PRELID2: variants seen among roughly 807,000 people sequenced by gnomAD.
The protein encoded by PRELID2 is PRELI domain-containing protein 2.
PRELID2 carries 25 observed loss-of-function variants against 28.4 expected under a neutral mutation model. The observed-to-expected ratio is 0.88, with a 90% CI of 0.64 to 1.23. The LOEUF (loss-of-function observed/expected upper bound fraction) is 1.23. Ranked by LOEUF, PRELID2 falls within the 50% of genes most tolerant of loss-of-function variation. The pLI is 0.00. For missense variants in PRELID2, 201 were observed against 214.4 expected (o/e 0.94, Z 0.39); for synonymous variants, 76 against 71.6 (o/e 1.06, Z -0.31).
At chr5:145,263,349 A>C in the PRELID2 span, among the ~76,000 whole-genome samples, 2 of 152,130 alleles carry the variant, frequency 1.3e-5, no homozygotes, top group Non-Finnish European at 2.9e-5. Flanking sequence ...ACAGATACTT[A>C]CAGAACATTC....
intron 1 of PRELID2, among the ~76,000 whole-genome samples, chr5:145,676,692 C>T (rs1409010233): frequency 1.3e-5 from 2 of 152,158 alleles, no homozygotes; most frequent in African/African-American, 2.4e-5. Flanking sequence ...AGGGATATGG[C>T]TCCTTGATAT....
chr5:145,709,251 C>T (rs554570124), intron 1 of PRELID2, among the ~76,000 whole-genome samples: 1 of 152,206 alleles, frequency 6.6e-6, no homozygotes. Flanking sequence ...TGCTTCTTCA[C>T]CAATACCTCT....
chr5:145,462,838 G>A, the PRELID2 span, among the ~76,000 whole-genome samples: 1 of 152,164 alleles, frequency 6.6e-6, no homozygotes, highest in African/African-American at 2.4e-5. Context: ...AATCCTAGGT[G>A]AGGTGATGAC....
intron 1 of PRELID2, among the ~76,000 whole-genome samples, chr5:145,547,404 T>G (rs114414117): frequency 2.5e-3 from 379 of 152,258 alleles, no homozygotes; most frequent in African/African-American, 8.6e-3. Context: ...TTCCTCAGAC[T>G]CAGACAAATT....
the PRELID2 span, among the ~76,000 whole-genome samples, chr5:145,294,211 G>A: frequency 6.6e-6 from 1 of 152,144 alleles, no homozygotes. Context: ...GTGAAGCAAT[G>A]TGCCTCCATA....
intron 1 of PRELID2, among the ~76,000 whole-genome samples, chr5:145,741,744 ATTTATATATTAAT>A (rs1756787985): frequency 8.9e-6 from 1 of 112,286 alleles, no homozygotes; most frequent in Non-Finnish European, 1.6e-5. Flanking sequence ...TAAATAATTT[ATTTATATATTAAT>A]TTATTTATAT....
At chr5:145,713,626 TAATA>T (rs1755763284) in intron 1 of PRELID2, among the ~76,000 whole-genome samples, 1 of 128,930 alleles carries the variant, frequency 7.8e-6, no homozygotes, top group South Asian at 2.5e-4. Context: ...AGTAAATATA[TAATA>T]TATATTTATA....
At chr5:145,391,463 C>T in the PRELID2 span, among the ~76,000 whole-genome samples, 6 of 152,320 alleles carry the variant, frequency 3.9e-5, no homozygotes, top group African/African-American at 1.2e-4. Flanking sequence ...CGTGGCCTGG[C>T]CACATCCCAA....
the PRELID2 span, among the ~76,000 whole-genome samples, chr5:145,379,665 C>T: frequency 6.6e-6 from 1 of 152,202 alleles, no homozygotes; most frequent in East Asian, 1.9e-4. Flanking sequence ...CACAGACATA[C>T]ATATATACCA....
chr5:145,304,286 G>A, the PRELID2 span, among the ~76,000 whole-genome samples: 5 of 151,992 alleles, frequency 3.3e-5, no homozygotes, highest in African/African-American at 1.2e-4. Context: ...TATTACTATT[G>A]TTGTTATTCA....
chr5:145,429,609 C>T, the PRELID2 span, among the ~76,000 whole-genome samples: 11 of 152,230 alleles, frequency 7.2e-5, no homozygotes, highest in East Asian at 5.8e-4. Context: ...CAGGGAAGTG[C>T]GGAAGTCCAA....
intron 1 of PRELID2, among the ~76,000 whole-genome samples, chr5:145,622,792 AC>A (rs1226154259): frequency 6.6e-6 from 1 of 152,080 alleles, no homozygotes; most frequent in Non-Finnish European, 1.5e-5. Context: ...TTTAAGATAA[AC>A]AAAAAAAGAC....
chr5:145,656,228 C>T (rs1031342107), intron 1 of PRELID2, among the ~76,000 whole-genome samples: 6 of 152,140 alleles, frequency 3.9e-5, no homozygotes, highest in South Asian at 2.1e-4. Flanking sequence ...GTTAGAATGG[C>T]GATCATTAAA....
At chr5:145,693,150 CTT>C (rs747936867) in intron 1 of PRELID2, among the ~76,000 whole-genome samples, 32 of 141,556 alleles carry the variant, frequency 2.3e-4, no homozygotes, top group Non-Finnish European at 2.2e-4. Flanking sequence ...ATAAATAAAT[CTT>C]TTTTTTTTTT....
At chr5:145,793,209 G>A (rs1048173385) in intron 5 of PRELID2, among the ~76,000 whole-genome samples, 1 of 152,156 alleles carries the variant, frequency 6.6e-6, no homozygotes, top group African/African-American at 2.4e-5. Context: ...CCAGTCCCCA[G>A]AGGCACAGAA....
At chr5:145,522,167 A>G (rs1160472968) in intron 1 of PRELID2, among the ~76,000 whole-genome samples, 1 of 152,198 alleles carries the variant, frequency 6.6e-6, no homozygotes, top group African/African-American at 2.4e-5. Flanking sequence ...AAATTAAGAT[A>G]AAATTTCTTT....
At chr5:145,281,535 A>C in the PRELID2 span, among the ~76,000 whole-genome samples, 1 of 152,228 alleles carries the variant, frequency 6.6e-6, no homozygotes, top group African/African-American at 2.4e-5. Flanking sequence ...GCCTGGGTTA[A>C]AACTGGCAGC....
rs200757744 is a variant in PRELID2, at chr5:145,701,906, C to A, written n.70+63025G>T. 5.9e-5 allele frequency among the ~76,000 whole-genome samples: 9 copies of A among 152,090 alleles called. No homozygotes were observed. In the East Asian group the frequency reaches 1.7e-3, roughly 29 times the overall value. Reference sequence around the variant, plus strand: ...GTCTCTACTAAAAATACAAAATTAGCCGGGCGTGGTGGCACATGCCTGTAA... The same window carrying A: ...GTCTCTACTAAAAATACAAAATTAGACGGGCGTGGTGGCACATGCCTGTAA... On this transcript the variant is annotated intron_variant and non_coding_transcript_variant, in intron 1 of 2. Transcript: ENST00000510259.
chr5:145,251,394 G>A, the PRELID2 span, among the ~76,000 whole-genome samples: 1 of 152,128 alleles, frequency 6.6e-6, no homozygotes, highest in Non-Finnish European at 1.5e-5. Flanking sequence ...GTTGCTGTTA[G>A]AATATATCAC....
Sources: gnomAD v4.1 joint callset for allele counts (sites outside exome capture counted in the v4.1 genomes callset) on GRCh38, gnomAD v4.1.1 for gene constraint, MANE v1.5 for transcripts, NCBI Gene and HGNC (gene_info 2026-07-23, HGNC 2026-07-21) for gene names.